SLC25A20: variants seen among roughly 807,000 people sequenced by gnomAD.
The protein encoded by SLC25A20 is mitochondrial carnitine/acylcarnitine carrier protein.
SLC25A20 carries 29 observed loss-of-function variants against 39.7 expected under a neutral mutation model. The ratio of observed to expected loss-of-function variants is 0.73; its 90% CI spans 0.54 to 1.00. The LOEUF is 1.00. Among genes scored for constraint, SLC25A20 ranks in the 50% least tolerant of loss-of-function variants. The pLI is 0.00. For synonymous variants in SLC25A20, 103 were observed against 142.2 expected, an observed-to-expected ratio of 0.72 and a Z score of 1.96; for missense variants, 333 against 379.9, an observed-to-expected ratio of 0.88 and a Z score of 1.03.
At chr3:48,897,333 T>C (rs1030744841) in intron 1 of SLC25A20, among the ~76,000 whole-genome samples, 3 of 146,394 alleles carry the variant, frequency 2.0e-5, no homozygotes, top group African/African-American at 7.5e-5. Context: ...GGAGCAATAT[T>C]TGTGTGTGTG....
At chr3:48,887,077 G>T (rs2083835082) in intron 2 of SLC25A20, among the ~76,000 whole-genome samples, 1 of 152,142 alleles carries the variant, frequency 6.6e-6, no homozygotes, top group South Asian at 2.1e-4. Context: ...AAGTACAGAG[G>T]CAGTAAATGG....
chr3:48,891,884 G>T, intron 2 of SLC25A20, 96 bp downstream of exon 2: 1 of 1,009,484 alleles, frequency 9.9e-7, no homozygotes. Flanking sequence ...TAGCTGTCCA[G>T]CAGAACCACA....
intron 4 of SLC25A20, among the ~76,000 whole-genome samples, chr3:48,871,982 ATTTTTTTT>A (rs71077746): frequency 5.3e-5 from 3 of 56,670 alleles, no homozygotes; most frequent in African/African-American, 1.3e-4. Flanking sequence ...TGCCCAGCTA[ATTTTTTTT>A]TTTTTTTTTT....
At chr3:48,858,402 G>T in intron 8 of SLC25A20, 105 bp downstream of exon 8, 3 of 1,525,556 alleles carry the variant, frequency 2.0e-6, no homozygotes, top group East Asian at 2.3e-5. Context: ...ATAGGGCTTT[G>T]GGAAAACTGA....
intron 3 of SLC25A20, among the ~76,000 whole-genome samples, chr3:48,879,663 C>T (rs146998769): frequency 1.6e-3 from 240 of 152,276 alleles, no homozygotes; most frequent in Admixed American, 4.0e-3. Flanking sequence ...GTGGCAAGAG[C>T]AATGGGAGTC....
intron 3 of SLC25A20, 57 bp from the exon 4 acceptor site, chr3:48,879,505 G>A: frequency 1.7e-6 from 2 of 1,152,188 alleles, no homozygotes; most frequent in South Asian, 2.4e-5. Context: ...CGAGGACAGA[G>A]GCCAATCCCA....
intron 4 of SLC25A20, among the ~76,000 whole-genome samples, chr3:48,863,388 A>G (rs1181877160): frequency 6.6e-6 from 1 of 152,334 alleles, no homozygotes; most frequent in East Asian, 1.9e-4. Flanking sequence ...AATTTCACTC[A>G]AAGCTCTAAG....
At chr3:48,881,211 A>G (rs1251639586) in intron 3 of SLC25A20, among the ~76,000 whole-genome samples, 1 of 152,210 alleles carries the variant, frequency 6.6e-6, no homozygotes, top group African/African-American at 2.4e-5. Context: ...CACACAGCCA[A>G]GCTGACTGTC....
chr3:48,898,686 G>T lies in SLC25A20; in HGVS notation c.105+4C>A. On this transcript the variant is annotated splice_donor_region_variant and intron_variant, in intron 1 of 8. Transcript: ENST00000319017. ...CCCAAAGCCTGCGACCCAGCCTCCC[G>T]CACCTTGACCGTGTCCAGAGGGTGA... 1 of 1,598,156 alleles carries T rather than the reference G, an allele frequency of 6.3e-7. No individual in the cohort carries two copies. The highest frequency in any genetic ancestry group is 8.5e-7 in the Non-Finnish European group (1 of 1,173,176).
chr3:48,895,430 C>T (rs753924136), intron 1 of SLC25A20, among the ~76,000 whole-genome samples: 6 of 152,242 alleles, frequency 3.9e-5, no homozygotes, highest in African/African-American at 9.6e-5. Context: ...TGAGCCACCG[C>T]GCCCAGCCCT....
chr3:48,862,652 G>A lies in SLC25A20; in HGVS notation c.425C>T (p.Ala142Val), dbSNP rs759262977. Residue 142 changes from alanine to valine, a missense_variant, in exon 5 of 9, where the codon GCT becomes GTT. Physicochemically the swap from Ala to Val is moderately conservative, Grantham distance 64 (BLOSUM62 0). Transcript: ENST00000319017. Reference sequence around the variant, plus strand: ...AGTGTACTTGCTTTCTCCTGAAGAAGCCTGAATCTGGGAGGGAGGAGAGGA... The same window carrying A: ...AGTGTACTTGCTTTCTCCTGAAGAAACCTGAATCTGGGAGGGAGGAGAGGA... The part of the protein sequence containing the change: ...ERIKCLLQIQ[A>V]SSGESKYTGT... 6.2e-6 allele frequency: 10 copies of A among 1,608,874 alleles called. No homozygotes were observed. Among genetic ancestry groups the A allele is most frequent in the Non-Finnish European group, 8.5e-6 (10 of 1,175,258 alleles).
At chr3:48,864,106 G>C (rs1469296404) in intron 4 of SLC25A20, among the ~76,000 whole-genome samples, 1 of 151,930 alleles carries the variant, frequency 6.6e-6, no homozygotes. Context: ...AGCACTTTGG[G>C]AGGCCAAGGC....
At chr3:48,875,440 C>T (rs1435472683) in intron 4 of SLC25A20, among the ~76,000 whole-genome samples, 1 of 150,982 alleles carries the variant, frequency 6.6e-6, no homozygotes, top group Admixed American at 6.6e-5. Flanking sequence ...TTTAGTTTTT[C>T]GCTTTGTCAC....
rs1460480344 is a variant in SLC25A20 at position 48,898,830 on chromosome 3, G to C, written c.-36C>G. On this transcript the variant is annotated 5_prime_UTR_variant, in exon 1 of 9. Coordinates refer to ENST00000319017, the MANE Select transcript of SLC25A20 (RefSeq NM_000387.6). ...TCTGTCACTCCGTCTGTCAGTTCTC[G>C]GGCCGTCCTGGCTTCTCAGCCCCAG... The C allele has an allele frequency of 6.5e-7, 1 of 1,540,950 alleles. No individual in the cohort carries two copies. The highest frequency in any genetic ancestry group is 1.4e-5 in the African/African-American group (1 of 72,882).
intron 3 of SLC25A20, among the ~76,000 whole-genome samples, chr3:48,882,298 C>T (rs1288936581): frequency 1.3e-5 from 2 of 152,210 alleles, no homozygotes; most frequent in Non-Finnish European, 2.9e-5. Flanking sequence ...AAGGAAAACA[C>T]ATTAACTTAT....
At chr3:48,871,036 G>A (rs1400069500) in intron 4 of SLC25A20, among the ~76,000 whole-genome samples, 1 of 151,908 alleles carries the variant, frequency 6.6e-6, no homozygotes, top group African/African-American at 2.4e-5. Flanking sequence ...ATATTGGCCA[G>A]GCTGGTCTCA....
chr3:48,897,053 G>A (rs1041179565), intron 1 of SLC25A20, among the ~76,000 whole-genome samples: 1 of 148,012 alleles, frequency 6.8e-6, no homozygotes, highest in Non-Finnish European at 1.5e-5. Flanking sequence ...CACTATCTTG[G>A]ACTTCTTTTT....
rs186059502 is a variant in SLC25A20 at position 48,861,109 on chromosome 3, G to T, written c.535+1433C>A. ...CCCAAAGTGCTGGGATTACAGGGGT[G>T]AGCCACCACGCCCAGCTATTATTAT... On this transcript the variant is annotated intron_variant, in intron 5 of 8. Transcript: ENST00000319017. 2.9e-3 allele frequency among the ~76,000 whole-genome samples: 435 copies of T among 152,120 alleles called. 2 individuals carry two copies. Among genetic ancestry groups the T allele is most frequent in the African/African-American group, 0.01 (423 of 41,514 alleles).
chr3:48,888,207 GAA>G (rs751937375), intron 2 of SLC25A20, among the ~76,000 whole-genome samples: 14 of 44,262 alleles, frequency 3.2e-4, no homozygotes, highest in African/African-American at 9.7e-4. Context: ...ACTCCATCTC[GAA>G]AAAAAAAAAA....
Sources: gnomAD v4.1 joint callset for allele counts (sites outside exome capture counted in the v4.1 genomes callset) on GRCh38, gnomAD v4.1.1 for gene constraint, MANE v1.5 for transcripts, NCBI Gene and HGNC (gene_info 2026-07-23, HGNC 2026-07-21) for gene names.